Variants in CHLSN observed in about 807,000 individuals in gnomAD.
CHLSN encodes cholesin, also known as protein cholesin.
At chr7:1,046,829 C>T in the CHLSN span, among the ~76,000 whole-genome samples, 102 of 152,326 alleles carry the variant, frequency 6.7e-4, no homozygotes, top group African/African-American at 2.2e-3. Flanking sequence ...AGACCACTGT[C>T]GCTACCACAG....
chr7:1,080,488 C>T, the CHLSN span, among the ~76,000 whole-genome samples: 11 of 152,172 alleles, frequency 7.2e-5, no homozygotes, highest in African/African-American at 1.7e-4. Flanking sequence ...AGTCTGATCA[C>T]GGGAGCAGAG....
At chr7:1,122,877 G>A in the CHLSN span, among the ~76,000 whole-genome samples, 1 of 152,210 alleles carries the variant, frequency 6.6e-6, no homozygotes, top group African/African-American at 2.4e-5. Flanking sequence ...TGCCCGCAGA[G>A]CTGAGGAGGA....
chr7:1,062,582 C>T, the CHLSN span, among the ~76,000 whole-genome samples: 1 of 152,314 alleles, frequency 6.6e-6, no homozygotes, highest in East Asian at 1.9e-4. Context: ...AGGCCTGCCC[C>T]ACACAGGCGT....
the CHLSN span, among the ~76,000 whole-genome samples, chr7:1,113,961 C>G: frequency 1.9e-3 from 293 of 152,330 alleles, 1 homozygote; most frequent in African/African-American, 6.5e-3. Context: ...GAAGTACAAA[C>G]CTCTCAGTGG....
chr7:1,051,057 G>T, the CHLSN span, among the ~76,000 whole-genome samples: 1 of 152,208 alleles, frequency 6.6e-6, no homozygotes, highest in East Asian at 1.9e-4. Context: ...TGCTTATGGG[G>T]CCCAGAGGCC....
chr7:1,078,939 A>G, the CHLSN span, among the ~76,000 whole-genome samples: 9,051 of 35,460 alleles, frequency 0.26, 1,137 homozygotes, highest in African/African-American at 0.51. Context: ...TCAGGGCTCC[A>G]TCAAGACTGC....
the CHLSN span, among the ~76,000 whole-genome samples, chr7:1,005,002 AAAG>A: frequency 6.6e-6 from 1 of 152,154 alleles, no homozygotes; most frequent in Non-Finnish European, 1.5e-5. Flanking sequence ...GCTTTAAAAA[AAAG>A]CAGGGGCGGC....
the CHLSN span, among the ~76,000 whole-genome samples, chr7:1,114,636 C>T: frequency 5.9e-5 from 9 of 152,354 alleles, no homozygotes; most frequent in Non-Finnish European, 7.3e-5. Flanking sequence ...CTGGCCTTTA[C>T]GGAAGGACTG....
chr7:1,017,627 C>T, the CHLSN span, among the ~76,000 whole-genome samples: 1 of 151,428 alleles, frequency 6.6e-6, no homozygotes, highest in Non-Finnish European at 1.5e-5. Context: ...TCTGGGGAAA[C>T]AAGACACGGA....
At chr7:1,127,513 T>C in the CHLSN span, 9 of 940,730 alleles carry the variant, frequency 9.6e-6, no homozygotes, top group Admixed American at 3.3e-5. Context: ...GGAAAACATA[T>C]AAAAGTTAAA....
chr7:1,008,496 G>A, the CHLSN span, among the ~76,000 whole-genome samples: 3 of 152,182 alleles, frequency 2.0e-5, no homozygotes, highest in Non-Finnish European at 1.5e-5. Flanking sequence ...GGAGAGGGAA[G>A]CTAAGCCTCC....
At chr7:1,052,372 C>T in the CHLSN span, among the ~76,000 whole-genome samples, 22 of 152,200 alleles carry the variant, frequency 1.4e-4, no homozygotes, top group African/African-American at 4.1e-4. The surrounding 1 kb of genome is among the most constrained non-coding windows in gnomAD (Gnocchi z 4.2). Flanking sequence ...GTGCTGGCAC[C>T]GACGTGGGCC....
the CHLSN span, chr7:1,028,579 G>T: frequency 1.0e-6 from 1 of 984,994 alleles, no homozygotes. Context: ...CCACCTGCGC[G>T]AACTGCGGGG....
chr7:1,107,149 G>A, the CHLSN span, among the ~76,000 whole-genome samples: 1 of 151,756 alleles, frequency 6.6e-6, no homozygotes, highest in Non-Finnish European at 1.5e-5. Flanking sequence ...GAGCCACAGA[G>A]GAAGCCATGT....
At chr7:1,065,506 C>T in the CHLSN span, among the ~76,000 whole-genome samples, 8 of 152,236 alleles carry the variant, frequency 5.3e-5, no homozygotes, top group East Asian at 1.2e-3. Context: ...CGGGGACAGG[C>T]GCGGCAACAG....
At chr7:1,041,531 C>T in the CHLSN span, among the ~76,000 whole-genome samples, 1 of 152,258 alleles carries the variant, frequency 6.6e-6, no homozygotes, top group East Asian at 1.9e-4. Flanking sequence ...TTTACTAACA[C>T]ATGCACAGAG....
the CHLSN span, among the ~76,000 whole-genome samples, chr7:996,720 G>A: frequency 6.6e-6 from 1 of 152,258 alleles, no homozygotes; most frequent in Admixed American, 6.5e-5. Flanking sequence ...TCACTTGGGG[G>A]CAGGGACCAC....
At chr7:1,091,602 T>C in the CHLSN span, 4 of 792,752 alleles carry the variant, frequency 5.0e-6, no homozygotes, top group Non-Finnish European at 8.3e-6. Flanking sequence ...CCTGGGGAGT[T>C]TCCTGTCTGA....
chr7:1,026,008 A>G, the CHLSN span: 1 of 152,206 alleles, frequency 6.6e-6, no homozygotes, highest in Non-Finnish European at 1.5e-5. Flanking sequence ...CAGAAGCAGA[A>G]GCAGGCCTCC....
Sources: allele counts gnomAD v4.1 joint callset (sites outside exome capture counted in the v4.1 genomes callset), GRCh38; gene constraint gnomAD v4.1.1; non-coding constraint Gnocchi (gnomAD v3.1); transcripts MANE v1.5; gene names NCBI Gene and HGNC (gene_info 2026-07-23, HGNC 2026-07-21).